The following SPTBN5 variants were observed in gnomAD, a reference collection of about 807,000 sequenced individuals.
SPTBN5 encodes the protein spectrin beta chain, non-erythrocytic 5.
Under a neutral mutation model 477.6 loss-of-function variants are expected in SPTBN5, and 513 were observed. The ratio of observed to expected loss-of-function variants is 1.07; its 90% CI spans 1.00 to 1.16. SPTBN5 has a LOEUF of 1.16. Among genes scored for constraint, SPTBN5 ranks in the 50% most tolerant of loss-of-function variants. The pLI is 0.00. For synonymous variants in SPTBN5, 2,169 were observed against 2,011.7 expected, an observed-to-expected ratio of 1.08 and a Z score of -2.09; for missense variants, 5,062 against 4,731.8, an observed-to-expected ratio of 1.07 and a Z score of -2.05.
intron 63 of SPTBN5, 124 bp from the exon 64 acceptor site, chr15:41,851,493 A>G (rs184544200): frequency 1.2e-5 from 8 of 641,072 alleles, no homozygotes; most frequent in East Asian, 1.0e-4. Context: ...CAAAGTCCCA[A>G]TGGGGAAAGG....
At position 41,852,641 on chromosome 15, in the gene SPTBN5, T is replaced by C. The variant is rs1011271566; in HGVS notation, c.10442A>G (p.Lys3481Arg). Residue 3481 changes from lysine to arginine, a missense_variant, in exon 61 of 68, where the codon AAG becomes AGG. Coordinates refer to ENST00000320955, the MANE Select transcript of SPTBN5 (RefSeq NM_016642.4). ...AQEEKFAQMQ[K>R]TEMEQELLLQ... Reference sequence around the variant, plus strand: ...AGCCGAGGCAGTCGTCACCTCTGTCTTTTGCATTTGGGCAAACTTCTCTTC... The same window carrying C: ...AGCCGAGGCAGTCGTCACCTCTGTCCTTTGCATTTGGGCAAACTTCTCTTC... 1 of 1,613,450 alleles carries C rather than the reference T, an allele frequency of 6.2e-7. No individual in the cohort carries two copies. The highest frequency in any genetic ancestry group is 1.3e-5 in the African/African-American group (1 of 74,946).
rs2066478701 is a variant in SPTBN5 at position 41,870,031 on chromosome 15, G to A, written c.5674-11C>T. On this transcript the variant is annotated splice_polypyrimidine_tract_variant and intron_variant, in intron 31 of 67. Coordinates refer to ENST00000320955, the MANE Select transcript of SPTBN5 (RefSeq NM_016642.4). ...CAGCAGTTCCTGCAGCTGCGGGAGG[G>A]GCAGGGAATAGGGAGGCAAGGGTCA... 1 of 1,475,332 alleles carries A rather than the reference G, an allele frequency of 6.8e-7. No homozygotes were observed. Among genetic ancestry groups the A allele is most frequent in the South Asian group, 1.4e-5 (1 of 71,776 alleles). The allele number at this position is 1,475,332 out of a possible 1,614,324, so 91.4% of individuals were successfully genotyped here.
At position 41,862,805 on chromosome 15, in the gene SPTBN5, G is replaced by T; in HGVS notation, c.7248C>A (p.Ile2416=). Reference sequence around the variant, plus strand: ...AGCTACGCACCTCCACCTGGGCCTGGATGGGGTGCACTTCCCGCTCCAGCT... The same window carrying T: ...AGCTACGCACCTCCACCTGGGCCTGTATGGGGTGCACTTCCCGCTCCAGCT... ...HEELEREVHP[I]QAQVESLERE... Residue 2416 remains isoleucine (I), a synonymous_variant, in exon 42 of 68, where the codon ATC becomes ATA. Coordinates refer to ENST00000320955, the MANE Select transcript of SPTBN5 (RefSeq NM_016642.4). 1 of 1,576,304 alleles carries T rather than the reference G, an allele frequency of 6.3e-7. No homozygotes were observed.
Position 41,855,323 on chromosome 15 carries a change from G to GTGTAGC in SPTBN5, c.9318_9323dup (p.Gln3106_Leu3107dup). 1 of 1,609,386 alleles carries GTGTAGC rather than the reference G, an allele frequency of 6.2e-7. No homozygotes were observed. Among genetic ancestry groups the GTGTAGC allele is most frequent in the East Asian group, 2.2e-5 (1 of 44,872 alleles). On this transcript the variant is annotated inframe_insertion, in exon 55 of 68. Transcript: ENST00000320955. ...GGAGCAGGGTCTCTCGCTCCAGCTG[G>GTGTAGC]TGTAGCTGCAGCTGCTCCTGCAGGC...
chr15:41,870,454 G>C lies in SPTBN5; in HGVS notation c.5554C>G (p.Gln1852Glu). The C allele has an allele frequency of 1.2e-6, 2 of 1,613,740 alleles. No homozygotes were observed. Among genetic ancestry groups the C allele is most frequent in the Non-Finnish European group, 1.7e-6 (2 of 1,179,814 alleles). Reference protein sequence around the residue: ...VHRDLLEVLTQVQEKATSLPN... With the variant: ...VHRDLLEVLTEVQEKATSLPN... Reference sequence around the variant, plus strand: ...ACCCCTCCGGCTCACACCTGGACCTGGGTGAGGACTTCCAAGAGATCTCTG... The same window carrying C: ...ACCCCTCCGGCTCACACCTGGACCTCGGTGAGGACTTCCAAGAGATCTCTG... The change falls in exon 30 of 68, where the codon CAG (glutamine) becomes GAG (glutamate). Residue 1852 changes from glutamine to glutamate, a missense_variant. Physicochemically the swap from Gln to Glu is conservative, Grantham distance 29. Coordinates refer to ENST00000320955, the MANE Select transcript of SPTBN5 (RefSeq NM_016642.4).
Position 41,852,304 on chromosome 15 carries a change from G to C in SPTBN5, c.10462C>G (p.Leu3488Val), listed in dbSNP as rs1169115963. The C allele has an allele frequency of 1.3e-6, 2 of 1,590,050 alleles. No homozygotes were observed. The highest frequency in any genetic ancestry group is 3.5e-5 in the Admixed American group (2 of 56,394). The change falls in exon 62 of 68, where the codon CTC (leucine) becomes GTC (valine). Residue 3488 changes from leucine to valine, a missense_variant. By Grantham distance (32) the Leu-to-Val change is conservative. Transcript: ENST00000320955. ...QMQKTEMEQE[L>V]LLQPQELKPG... ...TTCAGCTCCTGTGGCTGCAGCAGGA[G>C]CTCCTGTTCCATCTTGGGGAGTGGG... is the stretch of plus-strand genomic sequence containing the variant.
At chr15:41,883,735 A>G (rs1466357644) in intron 7 of SPTBN5, among the ~76,000 whole-genome samples, 2 of 152,130 alleles carry the variant, frequency 1.3e-5, no homozygotes, top group African/African-American at 4.8e-5. Flanking sequence ...CCTAACTTGG[A>G]TGCAGTCCCC....
At position 41,848,285 on chromosome 15, in the gene SPTBN5, C is replaced by T. The variant is rs552455710; in HGVS notation, c.*331G>A. 1.1e-4 allele frequency: 57 copies of T among 514,294 alleles called. No individual in the cohort carries two copies. Among genetic ancestry groups the T allele is most frequent in the Admixed American group, 2.3e-4 (7 of 30,698 alleles). The allele number at this position is 514,294 out of a possible 1,614,324, so 31.9% of individuals were successfully genotyped here. A position where few individuals can be genotyped will look rare whatever the true frequency, so the allele number is the denominator to read the frequency against. On this transcript the variant is annotated 3_prime_UTR_variant, in exon 68 of 68. Transcript: ENST00000320955. ...AGAGCACATTCTCTGCACACGTCTG[C>T]GTCTACCTGTGCTCAGAGTCACCCC... is the stretch of plus-strand genomic sequence containing the variant.
intron 38 of SPTBN5, 61 bp downstream of exon 38, chr15:41,865,977 C>T: frequency 1.9e-6 from 3 of 1,545,972 alleles, no homozygotes; most frequent in East Asian, 2.4e-5. Flanking sequence ...GCTGGGGATC[C>T]CTCCTGTCAA....
Position 41,856,889 on chromosome 15 carries a change from G to C in SPTBN5, c.8772C>G (p.Ser2924Arg). 6.4e-7 allele frequency: 1 copy of C among 1,551,366 alleles called. No individual in the cohort carries two copies. Among genetic ancestry groups the C allele is most frequent in the South Asian group, 1.2e-5 (1 of 84,126 alleles). Reference sequence around the variant, plus strand: ...CCTGCAGGTGCCGCACCGCACTCAGGCTCTGGCCATAGTCCTGGGCAGCGG... The same window carrying C: ...CCTGCAGGTGCCGCACCGCACTCAGCCTCTGGCCATAGTCCTGGGCAGCGG... ...PLAAAQDYGQSLSAVRHLQEQ... is the reference protein window; with the variant it reads ...PLAAAQDYGQRLSAVRHLQEQ... Residue 2924 changes from serine to arginine, a missense_variant, in exon 52 of 68, where the codon AGC becomes AGG. Transcript: ENST00000320955.
chr15:41,877,532 C>T (rs577540686), intron 17 of SPTBN5, among the ~76,000 whole-genome samples, 176 bp from the exon 18 acceptor site: 123 of 152,374 alleles, frequency 8.1e-4, no homozygotes, highest in Middle Eastern at 3.4e-3. Context: ...TCCAGCCGGC[C>T]GTCCTTAAGT....
chr15:41,855,676 C>T lies in SPTBN5; in HGVS notation c.9091G>A (p.Ala3031Thr). Residue 3031 changes from alanine (A) to threonine (T), a missense_variant, in exon 54 of 68, where the codon GCT becomes ACT. Ala to Thr is a moderately conservative substitution (Grantham distance 58). Transcript: ENST00000320955. Reference sequence around the variant, plus strand: ...CGCAGAAGGGCCTGTGTGGCTTCAGCACTGTGGCCCATGTCCTCGCTGTCC... The same window carrying T: ...CGCAGAAGGGCCTGTGTGGCTTCAGTACTGTGGCCCATGTCCTCGCTGTCC... ...VLDSEDMGHSAEATQALLRRL... is the reference protein window; with the variant it reads ...VLDSEDMGHSTEATQALLRRL... The T allele has an allele frequency of 1.2e-6, 2 of 1,604,662 alleles. No homozygotes were observed. The highest frequency in any genetic ancestry group is 1.7e-6 in the Non-Finnish European group (2 of 1,177,506).
intron 14 of SPTBN5, 76 bp from the exon 15 acceptor site, chr15:41,879,940 T>C: frequency 1.9e-6 from 3 of 1,572,002 alleles, no homozygotes; most frequent in African/African-American, 2.7e-5. Flanking sequence ...ATGACGGACC[T>C]GAGTGGTGCT....
At position 41,882,359 on chromosome 15, in the gene SPTBN5, C is replaced by T. The variant is rs767986165; in HGVS notation, c.2157G>A (p.Arg719=). The T allele has an allele frequency of 6.5e-7, 1 of 1,535,852 alleles. No individual in the cohort carries two copies. Among genetic ancestry groups the T allele is most frequent in the Non-Finnish European group, 8.7e-7 (1 of 1,146,624 alleles). ...RPPTQPDPGE[R]AEAVQGGWQL... Reference sequence around the variant, plus strand: ...GCCACCCTCCCTGAACGGCCTCTGCCCGTTCCCCGGGATCCGGCTGCGTTG... The same window carrying T: ...GCCACCCTCCCTGAACGGCCTCTGCTCGTTCCCCGGGATCCGGCTGCGTTG... The change falls in exon 11 of 68, where the codon CGG becomes CGA. Residue 719 remains arginine (R), a synonymous_variant. Coordinates refer to ENST00000320955, the MANE Select transcript of SPTBN5 (RefSeq NM_016642.4).
chr15:41,871,346 C>A, intron 29 of SPTBN5, 29 bp downstream of exon 29: 1 of 1,388,722 alleles, frequency 7.2e-7, no homozygotes, highest in Non-Finnish European at 9.4e-7. Context: ...CCCCAAACCC[C>A]ATGCTGGCCT....
intron 27 of SPTBN5, among the ~76,000 whole-genome samples, 151 bp from the exon 28 acceptor site, chr15:41,872,068 C>T (rs530008596): frequency 7.2e-5 from 11 of 152,364 alleles, no homozygotes; most frequent in East Asian, 3.9e-4. Context: ...GTAGACACAG[C>T]AGTGCAGGTG....
rs774036708 is a variant in SPTBN5, at chr15:41,856,972, T to C, written c.8689A>G (p.Lys2897Glu). 2 of 1,600,608 alleles carry C rather than the reference T, an allele frequency of 1.2e-6. No individual in the cohort carries two copies. Among genetic ancestry groups the C allele is most frequent in the Non-Finnish European group, 1.7e-6 (2 of 1,174,416 alleles). The change falls in exon 52 of 68, where the codon AAG becomes GAG. Residue 2897 changes from lysine to glutamate, a missense_variant. Lys to Glu is a moderately conservative substitution (Grantham distance 56, BLOSUM62 1). Coordinates refer to ENST00000320955, the MANE Select transcript of SPTBN5 (RefSeq NM_016642.4). ...TCCTCGTCGGCGTCCCTGAAGAACTTCAAGAGGAGGCTCCGGGCCTCCAGG... is the reference window on the plus strand; with the variant it reads ...TCCTCGTCGGCGTCCCTGAAGAACTCCAAGAGGAGGCTCCGGGCCTCCAGG... The part of the protein sequence containing the change: ...TALEARSLLL[K>E]FFRDADEEMA...
chr15:41,851,991 G>A lies in SPTBN5; in HGVS notation c.10585-141C>T, dbSNP rs1016833516. ...TGACCCTGCTTAGCTTCTAAGATCA[G>A]ATGAGATCGGGCATGTTCAGGGTGG... On this transcript the variant is annotated intron_variant, in intron 62 of 67. Coordinates refer to ENST00000320955, the MANE Select transcript of SPTBN5 (RefSeq NM_016642.4). 5 of 916,286 alleles carry A rather than the reference G, an allele frequency of 5.5e-6. No individual in the cohort carries two copies. The African/African-American group carries it at 6.7e-5, about 12-fold the overall frequency. The allele number at this position is 916,286 out of a possible 1,614,324, so 56.8% of individuals were successfully genotyped here.
rs116220691 is a variant in SPTBN5, at chr15:41,867,253, A to G, written c.6313-127T>C. The G allele has an allele frequency of 1.1e-3, 1,245 of 1,132,862 alleles. 10 individuals are homozygous for G. The African/African-American group carries it at 0.018, about 16-fold the overall frequency. The allele number at this position is 1,132,862 out of a possible 1,614,324, so 70.2% of individuals were successfully genotyped here. A position where few individuals can be genotyped will look rare whatever the true frequency, so the allele number is the denominator to read the frequency against. On this transcript the variant is annotated intron_variant, in intron 35 of 67. Coordinates refer to ENST00000320955, the MANE Select transcript of SPTBN5 (RefSeq NM_016642.4). Reference sequence around the variant, plus strand: ...CCTCAGCCCCACATGGCTGAGGGGTATCTGATCCTCCCAGCCACAAGCCAG... The same window carrying G: ...CCTCAGCCCCACATGGCTGAGGGGTGTCTGATCCTCCCAGCCACAAGCCAG...
Sources: gnomAD v4.1 joint callset for allele counts (sites outside exome capture counted in the v4.1 genomes callset) on GRCh38, gnomAD v4.1.1 for gene constraint, MANE v1.5 for transcripts, NCBI Gene and HGNC (gene_info 2026-07-23, HGNC 2026-07-21) for gene names.